MYRIP: variants seen among roughly 807,000 people sequenced by gnomAD.
The protein encoded by MYRIP is myosin VIIA and Rab interacting protein.
Under a neutral mutation model 98.0 loss-of-function variants are expected in MYRIP, and 49 were observed. That is an observed-to-expected ratio of 0.50 (90% confidence interval 0.40 to 0.63). The LOEUF (loss-of-function observed/expected upper bound fraction) is 0.63, where lower values mean the gene tolerates loss of function less well. Among genes scored for constraint, MYRIP ranks in the 30% least tolerant of loss-of-function variants. MYRIP has a pLI of 0.00. For synonymous variants in MYRIP, 404 were observed against 409.5 expected (o/e 0.99, Z 0.16); for missense variants, 1,004 against 1,058.2 (o/e 0.95, Z 0.71).
At chr3:39,974,314 A>G (rs1945684664) in intron 2 of MYRIP, among the ~76,000 whole-genome samples, 1 of 152,226 alleles carries the variant, frequency 6.6e-6, no homozygotes, top group Admixed American at 6.5e-5. Context: ...AAATGGATAA[A>G]TTCCTGGACA....
intron 11 of MYRIP, among the ~76,000 whole-genome samples, chr3:40,213,481 C>G (rs1373251301): frequency 6.6e-6 from 1 of 152,168 alleles, no homozygotes; most frequent in Non-Finnish European, 1.5e-5. Context: ...TCTGTAACTA[C>G]ATTTGGTGCT....
intron 2 of MYRIP, among the ~76,000 whole-genome samples, chr3:39,967,940 C>T (rs1428681873): frequency 1.3e-5 from 2 of 152,016 alleles, no homozygotes; most frequent in East Asian, 1.9e-4. Flanking sequence ...TTGTTTTTCT[C>T]TTGTAAATTT....
intron 10 of MYRIP, among the ~76,000 whole-genome samples, chr3:40,192,343 CAT>C (rs202167228): frequency 0.09 from 4,265 of 47,492 alleles, 211 homozygotes; most frequent in Non-Finnish European, 0.15. Flanking sequence ...ATATATATGT[CAT>C]ATATATATTT....
At chr3:40,209,010 G>C (rs187169664) in intron 10 of MYRIP, 7 of 152,236 alleles carry the variant, frequency 4.6e-5, no homozygotes, top group African/African-American at 1.7e-4. Context: ...TTTGGGCTGC[G>C]CATGGTGGCA....
chr3:40,159,496 T>C (rs1950328072), intron 4 of MYRIP, among the ~76,000 whole-genome samples: 1 of 151,502 alleles, frequency 6.6e-6, no homozygotes, highest in Admixed American at 6.6e-5. Flanking sequence ...TCTCGAGGAG[T>C]ATCTTTGTGG....
chr3:39,897,754 A>C (rs956087042), intron 1 of MYRIP, among the ~76,000 whole-genome samples: 1 of 152,224 alleles, frequency 6.6e-6, no homozygotes, highest in South Asian at 2.1e-4. Context: ...CAATTTAAAG[A>C]AAGTTTTCTC....
At chr3:39,819,166 T>C (rs1329178932) in intron 1 of MYRIP, among the ~76,000 whole-genome samples, 1 of 152,124 alleles carries the variant, frequency 6.6e-6, no homozygotes, top group Non-Finnish European at 1.5e-5. Context: ...CTGACCAACA[T>C]GGTGAAACCT....
chr3:40,238,685 C>A (rs993292464), intron 12 of MYRIP: 2 of 152,194 alleles, frequency 1.3e-5, no homozygotes, highest in African/African-American at 4.8e-5. Flanking sequence ...AAGGATCTCC[C>A]CAGGACCTCA....
intron 1 of MYRIP, among the ~76,000 whole-genome samples, chr3:39,810,943 T>G (rs966108673): frequency 2.6e-5 from 4 of 152,110 alleles, no homozygotes; most frequent in Admixed American, 6.5e-5. Flanking sequence ...GCTCTCCATC[T>G]CCCCGACCAT....
intron 3 of MYRIP, among the ~76,000 whole-genome samples, chr3:40,128,711 A>C (rs192274136): frequency 6.6e-6 from 1 of 152,232 alleles, no homozygotes; most frequent in Non-Finnish European, 1.5e-5. Context: ...TTTACCCTGC[A>C]TACACAAACC....
chr3:39,956,886 G>C (rs1224092709), intron 2 of MYRIP, among the ~76,000 whole-genome samples: 2 of 151,790 alleles, frequency 1.3e-5, no homozygotes, highest in Admixed American at 6.6e-5. Flanking sequence ...TACCATCAGA[G>C]AATACTATAA....
intron 3 of MYRIP, among the ~76,000 whole-genome samples, chr3:40,055,245 C>T (rs945373501): frequency 2.0e-5 from 3 of 152,094 alleles, no homozygotes; most frequent in African/African-American, 7.2e-5. Context: ...AGTGGCATTA[C>T]AATGAAAACT....
chr3:40,153,501 G>GA (rs201197167), intron 4 of MYRIP, among the ~76,000 whole-genome samples: 1,876 of 151,976 alleles, frequency 0.012, 39 homozygotes, highest in African/African-American at 0.043. Flanking sequence ...AGGGCGCTTT[G>GA]AAAAAAAACC....
intron 1 of MYRIP, among the ~76,000 whole-genome samples, chr3:39,867,323 C>T (rs1356870557): frequency 6.6e-6 from 1 of 152,060 alleles, no homozygotes; most frequent in African/African-American, 2.4e-5. Context: ...TGTTGTACTA[C>T]ATTAAACTAA....
At chr3:39,813,796 T>C (rs546572544) in intron 1 of MYRIP, among the ~76,000 whole-genome samples, 1 of 152,310 alleles carries the variant, frequency 6.6e-6, no homozygotes, top group African/African-American at 2.4e-5. Flanking sequence ...GAACTTGGGG[T>C]CAAGTCCATT....
At chr3:39,982,371 A>G (rs1440326612) in intron 2 of MYRIP, among the ~76,000 whole-genome samples, 2 of 152,176 alleles carry the variant, frequency 1.3e-5, no homozygotes, top group Non-Finnish European at 2.9e-5. Flanking sequence ...ACCGCTATTT[A>G]TAGGTTTGAT....
At chr3:39,997,860 C>T (rs765913856) in intron 2 of MYRIP, among the ~76,000 whole-genome samples, 14 of 152,128 alleles carry the variant, frequency 9.2e-5, no homozygotes, top group East Asian at 5.8e-4. Flanking sequence ...TTCATCCCTG[C>T]GATGCAAGCC....
intron 10 of MYRIP, among the ~76,000 whole-genome samples, chr3:40,203,925 TATA>T (rs1419727229): frequency 6.7e-3 from 2 of 298 alleles, no homozygotes; most frequent in African/African-American, 0.01. Flanking sequence ...TTTATATAAA[TATA>T]ATATAATATA....
intron 16 of MYRIP, among the ~76,000 whole-genome samples, chr3:40,256,265 CCATACA>C (rs1184087267): frequency 3.3e-5 from 5 of 152,124 alleles, no homozygotes; most frequent in African/African-American, 9.7e-5. Context: ...ACACAACTGT[CCATACA>C]CATACACATG....
Sources: allele counts gnomAD v4.1 joint callset (sites outside exome capture counted in the v4.1 genomes callset), GRCh38; gene constraint gnomAD v4.1.1; transcripts MANE v1.5; gene names NCBI Gene and HGNC (gene_info 2026-07-23, HGNC 2026-07-21).